The following PRDM16 variants were observed in gnomAD, a reference collection of about 807,000 sequenced individuals.
PRDM16 encodes PR/SET domain 16, also known as histone-lysine N-methyltransferase PRDM16.
A neutral mutation model predicts 110.6 loss-of-function variants in PRDM16; 23 were observed. The observed-to-expected ratio is 0.21, with a 90% CI of 0.15 to 0.29. The LOEUF is 0.29. Ranked by LOEUF, PRDM16 falls within the 10% of genes least tolerant of loss-of-function variation. PRDM16 has a pLI of 1.00. For missense variants in PRDM16, 1,615 were observed against 1,794.3 expected (o/e 0.90, Z 1.81); for synonymous variants, 799 against 781.8 (o/e 1.02, Z -0.37).
chr1:3,418,576 C>A, intron 11 of PRDM16, 91 bp from the exon 12 acceptor site: 1 of 852,916 alleles, frequency 1.2e-6, no homozygotes, highest in Non-Finnish European at 2.0e-6. Context: ...AGGTGTGAGA[C>A]CCCGAGCATT....
chr1:3,345,118 C>T (rs4415513), intron 3 of PRDM16, among the ~76,000 whole-genome samples: 82,102 of 151,990 alleles, frequency 0.54, 22,536 homozygotes, highest in Middle Eastern at 0.66. Flanking sequence ...GCTTTCTGCC[C>T]GAGTTCCAGC....
chr1:3,391,253 G>A (rs1643295296), intron 4 of PRDM16, among the ~76,000 whole-genome samples: 1 of 152,144 alleles, frequency 6.6e-6, no homozygotes, highest in Non-Finnish European at 1.5e-5. Flanking sequence ...AGGGCAGGGG[G>A]CTCCTTCGGT....
At chr1:3,132,063 A>G (rs1643345989) in intron 1 of PRDM16, among the ~76,000 whole-genome samples, 1 of 152,176 alleles carries the variant, frequency 6.6e-6, no homozygotes, top group Non-Finnish European at 1.5e-5. Context: ...TGCTAATTAT[A>G]TAGCTGGGAA....
intron 1 of PRDM16, among the ~76,000 whole-genome samples, chr1:3,135,653 G>A (rs1315643177): frequency 6.6e-6 from 1 of 152,180 alleles, no homozygotes; most frequent in East Asian, 1.9e-4. Flanking sequence ...ACAATTAAGG[G>A]GTCTCCTCAC....
intron 3 of PRDM16, among the ~76,000 whole-genome samples, chr1:3,347,952 G>A (rs1219975652): frequency 9.2e-5 from 14 of 152,126 alleles, no homozygotes; most frequent in African/African-American, 9.7e-5. Context: ...GCTGGTGCCG[G>A]GCACTGAGTT....
intron 3 of PRDM16, among the ~76,000 whole-genome samples, chr1:3,356,238 G>C (rs1037094126): frequency 5.9e-5 from 9 of 152,178 alleles, no homozygotes; most frequent in Non-Finnish European, 1.2e-4. Flanking sequence ...GACGTGTCTG[G>C]TGTTTGTGGA....
intron 1 of PRDM16, among the ~76,000 whole-genome samples, chr1:3,144,546 G>C (rs1438225266): frequency 6.6e-6 from 1 of 152,144 alleles, no homozygotes; most frequent in Non-Finnish European, 1.5e-5. Flanking sequence ...GGTGGGTGGG[G>C]GAGGGGGTGG....
intron 1 of PRDM16, among the ~76,000 whole-genome samples, chr1:3,146,494 T>C (rs1237012139): frequency 7.1e-6 from 1 of 140,140 alleles, no homozygotes; most frequent in African/African-American, 2.7e-5. Context: ...GGTTGGGGTG[T>C]ATATGTGTGC....
At position 3,213,920 on chromosome 1, in the gene PRDM16, G is replaced by A. The variant is rs79209444; in HGVS notation, c.387+27446G>A. On this transcript the variant is annotated intron_variant, in intron 2 of 16. Coordinates refer to ENST00000270722, the MANE Select transcript of PRDM16 (RefSeq NM_022114.4). The surrounding 1 kb of genome is among the most constrained non-coding windows in gnomAD (Gnocchi z 5.3). The stretch of plus-strand genomic sequence containing the variant: ...GCCTGGTACATTAACTCAGAAGCAC[G>A]CGGGTGACAGGGTGTGGCCAGTGCA... Among the ~76,000 whole-genome samples, 4 of 152,112 alleles carry A rather than the reference G, an allele frequency of 2.6e-5. No homozygotes were observed. In the East Asian group the frequency reaches 7.8e-4, roughly 29 times the overall value.
intron 1 of PRDM16, among the ~76,000 whole-genome samples, chr1:3,183,480 C>T (rs931757423): frequency 6.6e-6 from 1 of 152,194 alleles, no homozygotes; most frequent in African/African-American, 2.4e-5. Flanking sequence ...CTCCTCTCAC[C>T]CACCCTTGAA....
chr1:3,426,145 A>G lies in PRDM16; in HGVS notation c.3204A>G (p.Lys1068=), dbSNP rs758111761. The change falls in exon 14 of 17, where the codon AAA becomes AAG. Residue 1068 remains lysine (K), a synonymous_variant. Transcript: ENST00000270722. ...ACAACCACGCACTTTTAGACGAGAA[A>G]GAAGACTCTTATTTCTCGGAAATCA... ...ESDNHALLDE[K]EDSYFSEIRN... 2.5e-6 allele frequency: 4 copies of G among 1,613,860 alleles called. No individual in the cohort carries two copies. Among genetic ancestry groups the G allele is most frequent in the Non-Finnish European group, 3.4e-6 (4 of 1,179,962 alleles).
intron 1 of PRDM16, among the ~76,000 whole-genome samples, chr1:3,150,293 C>G (rs1643751297): frequency 6.6e-6 from 1 of 151,698 alleles, no homozygotes; most frequent in African/African-American, 2.4e-5. Flanking sequence ...TAGTGGGTCA[C>G]GCCTGTAATC....
At chr1:3,141,445 G>A (rs1643547981) in intron 1 of PRDM16, among the ~76,000 whole-genome samples, 1 of 152,224 alleles carries the variant, frequency 6.6e-6, no homozygotes, top group Admixed American at 6.5e-5. Context: ...AGAACAAATG[G>A]CGCAGAGATC....
At chr1:3,088,293 A>G (rs1300192377) in intron 1 of PRDM16, among the ~76,000 whole-genome samples, 1 of 151,914 alleles carries the variant, frequency 6.6e-6, no homozygotes, top group African/African-American at 2.4e-5. Context: ...CAATAAAAAT[A>G]ATAATAATAA....
intron 16 of PRDM16, among the ~76,000 whole-genome samples, chr1:3,433,318 T>C (rs1463784847): frequency 1.3e-5 from 2 of 152,236 alleles, no homozygotes; most frequent in Admixed American, 1.3e-4. Flanking sequence ...ATCCGGGTCT[T>C]AGTCCCTCTT....
chr1:3,104,372 G>T (rs1570254328), intron 1 of PRDM16, among the ~76,000 whole-genome samples: 1 of 152,188 alleles, frequency 6.6e-6, no homozygotes, highest in African/African-American at 2.4e-5. Flanking sequence ...GGAGGGGCTG[G>T]AAGGCAAGCG....
intron 3 of PRDM16, among the ~76,000 whole-genome samples, chr1:3,322,561 T>C (rs1442084205): frequency 1.4e-5 from 2 of 146,092 alleles, no homozygotes; most frequent in East Asian, 4.5e-4. Flanking sequence ...AGGCCACCAC[T>C]GTCTCAGGAG....
At chr1:3,098,896 C>T (rs1286793397) in intron 1 of PRDM16, among the ~76,000 whole-genome samples, 3 of 152,230 alleles carry the variant, frequency 2.0e-5, no homozygotes, top group East Asian at 3.9e-4. Flanking sequence ...CATGGTGCTG[C>T]CTCCACCTCC....
At chr1:3,098,864 G>A (rs1320084094) in intron 1 of PRDM16, among the ~76,000 whole-genome samples, 1 of 152,188 alleles carries the variant, frequency 6.6e-6, no homozygotes, top group Non-Finnish European at 1.5e-5. Context: ...GCATGGTCCT[G>A]CAGGCGAGGC....
Sources: allele counts gnomAD v4.1 joint callset (sites outside exome capture counted in the v4.1 genomes callset), GRCh38; gene constraint gnomAD v4.1.1; non-coding constraint Gnocchi (gnomAD v3.1); transcripts MANE v1.5; gene names NCBI Gene and HGNC (gene_info 2026-07-23, HGNC 2026-07-21).